Variants in OSBPL10 observed in about 807,000 individuals in gnomAD.
OSBPL10 encodes the protein oxysterol binding protein like 10, also known as oxysterol-binding protein-related protein 10.
In OSBPL10, 49 loss-of-function variants were observed where a neutral mutation model predicts 81.7. The observed-to-expected ratio is 0.60, with a 90% CI of 0.48 to 0.76. The LOEUF is 0.76. Ranked by LOEUF, OSBPL10 falls within the 30% of genes least tolerant of loss-of-function variation. The probability of loss-of-function intolerance (pLI) is 0.00; values close to 1 mark genes in which losing one functional copy is unlikely to be tolerated. For missense variants in OSBPL10, 923 were observed against 987.8 expected, an observed-to-expected ratio of 0.93 and a Z score of 0.88; for synonymous variants, 419 against 383.6, an observed-to-expected ratio of 1.09 and a Z score of -1.08.
At chr3:31,932,316 A>G (rs1697271697) in intron 1 of OSBPL10, among the ~76,000 whole-genome samples, 1 of 152,136 alleles carries the variant, frequency 6.6e-6, no homozygotes, top group Non-Finnish European at 1.5e-5. Context: ...TTAGCTTAAA[A>G]CTTTCCTTAC....
At chr3:31,750,515 C>T (rs558221171) in intron 4 of OSBPL10, among the ~76,000 whole-genome samples, 1 of 152,308 alleles carries the variant, frequency 6.6e-6, no homozygotes, top group South Asian at 2.1e-4. Flanking sequence ...CCTCCATTAT[C>T]AGTTTGCCAA....
intron 1 of OSBPL10, among the ~76,000 whole-genome samples, chr3:31,974,722 C>T (rs777466995): frequency 2.0e-5 from 3 of 151,992 alleles, no homozygotes; most frequent in Non-Finnish European, 4.4e-5. Flanking sequence ...TTACCGTATG[C>T]GGGGAGATAC....
intron 1 of OSBPL10, among the ~76,000 whole-genome samples, chr3:31,966,166 T>C (rs1021841915): frequency 1.3e-4 from 12 of 89,524 alleles, no homozygotes; most frequent in African/African-American, 4.2e-4. Context: ...TGTGTGTGTG[T>C]GTGTGTGTGT....
intron 11 of OSBPL10, chr3:31,663,152 CAGGGGTT>C: frequency 2.0e-6 from 2 of 985,450 alleles, no homozygotes; most frequent in Non-Finnish European, 2.4e-6. Context: ...TAGCAGAAGT[CAGGGGTT>C]ACCAGCACCT....
At chr3:31,932,267 G>A (rs1392594579) in intron 1 of OSBPL10, among the ~76,000 whole-genome samples, 4 of 151,946 alleles carry the variant, frequency 2.6e-5, no homozygotes, top group Admixed American at 2.0e-4. Context: ...CTCCGAACAC[G>A]GTCTCCTCAC....
intron 1 of OSBPL10, among the ~76,000 whole-genome samples, chr3:31,961,327 GA>G (rs1190424037): frequency 6.6e-6 from 1 of 152,162 alleles, no homozygotes; most frequent in African/African-American, 2.4e-5. Context: ...GGAAGCCAGG[GA>G]AGGCTTCAGG....
chr3:32,002,810 T>G (rs1258590666), intron 2 of OSBPL10, among the ~76,000 whole-genome samples: 1 of 129,748 alleles, frequency 7.7e-6, no homozygotes, highest in Non-Finnish European at 1.8e-5. Flanking sequence ...CTATTTATTG[T>G]TAACTTTGAA....
intron 3 of OSBPL10, among the ~76,000 whole-genome samples, chr3:31,856,654 A>G (rs1369267058): frequency 6.6e-6 from 1 of 152,248 alleles, no homozygotes; most frequent in South Asian, 2.1e-4. Context: ...GAGATGCAGC[A>G]TATCTTACTT....
chr3:32,006,802 C>T (rs1559548258), intron 2 of OSBPL10, among the ~76,000 whole-genome samples: 1 of 152,246 alleles, frequency 6.6e-6, no homozygotes, highest in Non-Finnish European at 1.5e-5. Context: ...TACCATAATG[C>T]TTTTGTTGCT....
At chr3:31,735,688 G>A (rs553423945) in intron 5 of OSBPL10, among the ~76,000 whole-genome samples, 49 of 152,142 alleles carry the variant, frequency 3.2e-4, no homozygotes, top group South Asian at 2.1e-4. Flanking sequence ...CTTCTACATC[G>A]GGGAGGAAGT....
chr3:31,958,441 T>C lies in OSBPL10; in HGVS notation c.281+22458A>G, dbSNP rs534590533. On this transcript the variant is annotated intron_variant, in intron 1 of 11. Coordinates refer to ENST00000396556, the MANE Select transcript of OSBPL10 (RefSeq NM_017784.5). The stretch of plus-strand genomic sequence containing the variant: ...CAGATATATGGTGTGTTATGCTTTT[T>C]AATAATATCAACTGGTATTGCGCAC... Among the ~76,000 whole-genome samples the C allele has an allele frequency of 1.1e-3, 169 of 152,326 alleles. 1 individual carries two copies. Among genetic ancestry groups the C allele is most frequent in the African/African-American group, 4.0e-3 (166 of 41,568 alleles).
chr3:32,006,295 T>G (rs936789119), intron 2 of OSBPL10, among the ~76,000 whole-genome samples: 3 of 152,354 alleles, frequency 2.0e-5, no homozygotes, highest in Admixed American at 6.5e-5. Flanking sequence ...TTAGCCATTT[T>G]GATTTCCCCT....
At chr3:31,986,950 T>A (rs764762588) in intron 2 of OSBPL10, among the ~76,000 whole-genome samples, 6 of 152,134 alleles carry the variant, frequency 3.9e-5, no homozygotes, top group Non-Finnish European at 7.3e-5. Flanking sequence ...GAGGCTGCAG[T>A]GAGCTATGAT....
intron 4 of OSBPL10, among the ~76,000 whole-genome samples, chr3:31,788,720 T>C (rs750974449): frequency 6.6e-6 from 1 of 152,022 alleles, no homozygotes; most frequent in African/African-American, 2.4e-5. Context: ...CAAGGTTGCA[T>C]TGAGCTATGA....
intron 1 of OSBPL10, among the ~76,000 whole-genome samples, chr3:31,947,227 C>T (rs115366840): frequency 0.017 from 2,541 of 152,216 alleles, 26 homozygotes; most frequent in African/African-American, 0.025. Flanking sequence ...GTAGGGGAGA[C>T]ATAGAGACCA....
chr3:31,885,008 G>A (rs1467840418), intron 1 of OSBPL10, among the ~76,000 whole-genome samples: 1 of 152,158 alleles, frequency 6.6e-6, no homozygotes, highest in East Asian at 1.9e-4. Context: ...TTCTCACCAG[G>A]CTAGCTTCTT....
chr3:31,724,074 A>C (rs1696737509), intron 6 of OSBPL10, among the ~76,000 whole-genome samples: 1 of 152,138 alleles, frequency 6.6e-6, no homozygotes, highest in Admixed American at 6.5e-5. Context: ...CATCGCTACA[A>C]TCTCTTCAAC....
chr3:31,746,765 T>C (rs1037832682), intron 5 of OSBPL10, among the ~76,000 whole-genome samples: 3 of 140,858 alleles, frequency 2.1e-5, no homozygotes, highest in South Asian at 2.2e-4. Context: ...TAGGTGGGAA[T>C]TGAACAATGA....
chr3:31,910,324 C>G (rs1178033240), intron 1 of OSBPL10, among the ~76,000 whole-genome samples: 1 of 151,932 alleles, frequency 6.6e-6, no homozygotes, highest in African/African-American at 2.4e-5. Flanking sequence ...CAGTAAAGGA[C>G]AACCTATTGG....
Sources: allele counts gnomAD v4.1 joint callset (sites outside exome capture counted in the v4.1 genomes callset), GRCh38; gene constraint gnomAD v4.1.1; transcripts MANE v1.5; gene names NCBI Gene and HGNC (gene_info 2026-07-23, HGNC 2026-07-21).